Variants in CYP4Z1 observed in about 807,000 individuals in gnomAD.
The protein encoded by CYP4Z1 is cytochrome P450 family 4 subfamily Z member 1, also known as cytochrome P450 4Z1.
In CYP4Z1, 41 loss-of-function variants were observed where a neutral mutation model predicts 54.2. That is an observed-to-expected ratio of 0.76 (90% confidence interval 0.59 to 0.98). The LOEUF (loss-of-function observed/expected upper bound fraction) is 0.98, where lower values mean the gene tolerates loss of function less well. Among genes scored for constraint, CYP4Z1 ranks in the 50% least tolerant of loss-of-function variants. CYP4Z1 has a pLI of 0.00. For synonymous variants in CYP4Z1, 163 were observed against 206.2 expected (o/e 0.79, Z 1.79); for missense variants, 513 against 599.0 (o/e 0.86, Z 1.50).
intron 11 of CYP4Z1, among the ~76,000 whole-genome samples, chr1:47,117,553 C>A (rs1231282502): frequency 6.6e-6 from 1 of 151,946 alleles, no homozygotes; most frequent in South Asian, 2.1e-4. Context: ...GAATTTGAGA[C>A]CAGCCTGGCC....
At position 47,090,112 on chromosome 1, in the gene CYP4Z1, C is replaced by A. The variant is rs372966274; in HGVS notation, c.773-4454C>A. ...GGACAAGTATTTACCATACAAAATC[C>A]TTTCTTTTATAAAATCTTCTTCTTT... On this transcript the variant is annotated intron_variant, in intron 6 of 11. Transcript: ENST00000334194. Among the ~76,000 whole-genome samples the A allele has an allele frequency of 6.5e-4, 99 of 152,300 alleles. No individual in the cohort carries two copies. In the East Asian group the frequency reaches 0.017, roughly 26 times the overall value.
At chr1:47,114,361 A>T (rs370014065) in intron 9 of CYP4Z1, among the ~76,000 whole-genome samples, 1 of 152,128 alleles carries the variant, frequency 6.6e-6, no homozygotes, top group African/African-American at 2.4e-5. Context: ...AACCTAGGCA[A>T]TACCATTCAG....
rs768028527 is a variant in CYP4Z1 at position 47,115,510 on chromosome 1, T to C, written c.1202-19T>C. 11 of 1,610,812 alleles carry C rather than the reference T, an allele frequency of 6.8e-6. No homozygotes were observed. The Admixed American group carries it at 1.7e-4, about 25-fold the overall frequency. On this transcript the variant is annotated intron_variant, in intron 9 of 11. Coordinates refer to ENST00000334194, the MANE Select transcript of CYP4Z1 (RefSeq NM_178134.3). ...ATCTTCGCTCATGCACTTACCTGCT[T>C]TTTCTTCTGTTTACTCAGGAATAAC...
chr1:47,111,628 T>C (rs1408430967), intron 9 of CYP4Z1, among the ~76,000 whole-genome samples: 2 of 152,218 alleles, frequency 1.3e-5, no homozygotes, highest in African/African-American at 2.4e-5. Flanking sequence ...ATTAATAAGA[T>C]AGACTTTATG....
chr1:47,109,189 T>C (rs1345982918), intron 9 of CYP4Z1, among the ~76,000 whole-genome samples: 2 of 152,140 alleles, frequency 1.3e-5, no homozygotes, highest in African/African-American at 2.4e-5. Context: ...GTGAAAAGAA[T>C]GGAAGGAAGG....
intron 8 of CYP4Z1, among the ~76,000 whole-genome samples, chr1:47,103,596 T>TTA (rs1644736260): frequency 1.6e-5 from 1 of 61,120 alleles, no homozygotes; most frequent in Non-Finnish European, 3.0e-5. Flanking sequence ...CTTTTTTTTC[T>TTA]TTTTTTTTTT....
In CYP4Z1 at chr1:47,099,125, A is replaced by G. The variant is rs1436038844; in HGVS notation, c.908A>G (p.Asp303Gly). 6.2e-7 allele frequency: 1 copy of G among 1,613,980 alleles called. No individual in the cohort carries two copies. Among genetic ancestry groups the G allele is most frequent in the African/African-American group, 1.3e-5 (1 of 74,938 alleles). Residue 303 changes from aspartate to glycine, a missense_variant, in exon 8 of 12, where the codon GAT becomes GGT. Transcript: ENST00000334194. ...AACACCAAAGATTTCTCTGAAGCAGATCTCCAGGCTGAAGTGAAAACGTTC... is the reference window on the plus strand; with the variant it reads ...AACACCAAAGATTTCTCTGAAGCAGGTCTCCAGGCTGAAGTGAAAACGTTC... ...SENTKDFSEA[D>G]LQAEVKTFMF... is the part of the protein sequence containing the mutation.
chr1:47,055,603 T>TA, the CYP4Z1 span, among the ~76,000 whole-genome samples: 1 of 152,224 alleles, frequency 6.6e-6, no homozygotes, highest in African/African-American at 2.4e-5. Context: ...CAGAGCCTGT[T>TA]ACTGGTCTAT....
upstream of CYP4Z1, among the ~76,000 whole-genome samples, chr1:47,067,017 G>A (rs541151160): frequency 1.3e-5 from 2 of 152,104 alleles, no homozygotes; most frequent in African/African-American, 4.8e-5. Flanking sequence ...GGAAGGGAGG[G>A]GTGATATATG....
At chr1:47,062,686 A>T (rs531950958), upstream of CYP4Z1, among the ~76,000 whole-genome samples, 1 of 152,146 alleles carries the variant, frequency 6.6e-6, no homozygotes, top group South Asian at 2.1e-4. Context: ...CAGCTGCAGC[A>T]AGCCCCGCCC....
intron 2 of CYP4Z1, among the ~76,000 whole-genome samples, chr1:47,076,628 G>A: frequency 6.6e-6 from 1 of 151,740 alleles, no homozygotes; most frequent in East Asian, 1.9e-4. Flanking sequence ...GGTGGATCAT[G>A]AGGTCAGGAG....
At chr1:47,088,791 A>AT (rs571203300) in intron 6 of CYP4Z1, among the ~76,000 whole-genome samples, 1,558 of 119,752 alleles carry the variant, frequency 0.013, 10 homozygotes, top group South Asian at 0.044. Flanking sequence ...TAAATATTGT[A>AT]TTTTTTTTTT....
At chr1:47,057,351 T>A in the CYP4Z1 span, among the ~76,000 whole-genome samples, 8,554 of 62,868 alleles carry the variant, frequency 0.14, 1,290 homozygotes, top group East Asian at 0.39. Flanking sequence ...TATATATATA[T>A]ATATATATAT....
intron 1 of CYP4Z1, 126 bp downstream of exon 1, chr1:47,067,793 T>G: frequency 1.2e-6 from 1 of 851,052 alleles, no homozygotes; most frequent in Non-Finnish European, 1.7e-6. Flanking sequence ...CATTGTGATT[T>G]TTACAAAAAT....
intron 6 of CYP4Z1, among the ~76,000 whole-genome samples, chr1:47,086,256 G>C (rs1644593864): frequency 6.6e-6 from 1 of 152,152 alleles, no homozygotes; most frequent in South Asian, 2.1e-4. Flanking sequence ...CTAGATCCTT[G>C]AGGAATCGCC....
intron 4 of CYP4Z1, among the ~76,000 whole-genome samples, chr1:47,083,659 T>A (rs1397578993): frequency 6.6e-6 from 1 of 152,166 alleles, no homozygotes; most frequent in Non-Finnish European, 1.5e-5. Flanking sequence ...TAAGGCAGAT[T>A]AGAGGAAGAG....
At chr1:47,089,054 G>GTGTAACTAT (rs1157017054) in intron 6 of CYP4Z1, among the ~76,000 whole-genome samples, 2 of 149,254 alleles carry the variant, frequency 1.3e-5, no homozygotes, top group East Asian at 4.0e-4. Context: ...TCAACATGCC[G>GTGTAACTAT]TGTAACTATT....
chr1:47,077,467 G>T (rs1468590256), intron 2 of CYP4Z1, among the ~76,000 whole-genome samples: 2 of 152,060 alleles, frequency 1.3e-5, no homozygotes, highest in Non-Finnish European at 2.9e-5. Flanking sequence ...GATCTAAAGT[G>T]AGTCTCTTGT....
the CYP4Z1 span, among the ~76,000 whole-genome samples, chr1:47,057,335 A>AAAATATATAT: frequency 3.5e-5 from 1 of 28,490 alleles, no homozygotes; most frequent in Non-Finnish European, 8.4e-5. Context: ...AAGAAAAAAA[A>AAAATATATAT]ATATATATAT....
Sources: allele counts gnomAD v4.1 joint callset (sites outside exome capture counted in the v4.1 genomes callset), GRCh38; gene constraint gnomAD v4.1.1; transcripts MANE v1.5; gene names NCBI Gene and HGNC (gene_info 2026-07-23, HGNC 2026-07-21).